The following PTPRD variants were observed in gnomAD, a reference collection of about 807,000 sequenced individuals.
PTPRD encodes protein tyrosine phosphatase receptor type D, also known as receptor-type tyrosine-protein phosphatase delta.
A neutral mutation model predicts 214.5 loss-of-function variants in PTPRD; 34 were observed. That is an observed-to-expected ratio of 0.16 (90% CI 0.12 to 0.21). The LOEUF is 0.21. Among genes scored for constraint, PTPRD ranks in the 10% least tolerant of loss-of-function variants. The pLI, the probability that PTPRD is intolerant of heterozygous loss-of-function variation, is 1.00. For synonymous variants in PTPRD, 1,128 were observed against 845.7 expected (o/e 1.33, Z -5.79); for missense variants, 2,545 against 2,398.7 (o/e 1.06, Z -1.27).
intron 11 of PTPRD, among the ~76,000 whole-genome samples, chr9:8,802,816 C>A (rs1452964876): frequency 1.3e-5 from 2 of 152,064 alleles, no homozygotes; most frequent in Admixed American, 6.6e-5. Flanking sequence ...CTTTGGGAGG[C>A]CAAGGTGGGA....
At chr9:10,000,812 C>G (rs1307266945) in intron 4 of PTPRD, among the ~76,000 whole-genome samples, 1 of 152,148 alleles carries the variant, frequency 6.6e-6, no homozygotes, top group African/African-American at 2.4e-5. Flanking sequence ...GCACGTGTGC[C>G]AGGCATCATG....
rs1958749687 is a variant in PTPRD, at chr9:9,310,861, T to C, written c.-203+86588A>G. On this transcript the variant is annotated intron_variant, in intron 9 of 45. Transcript: ENST00000381196. Reference sequence around the variant, plus strand: ...TGAACCCAGGAGGCAGAGGTTGTGGTGAGCCAAGATCGCGCCATTGCACTC... The same window carrying C: ...TGAACCCAGGAGGCAGAGGTTGTGGCGAGCCAAGATCGCGCCATTGCACTC... Among the ~76,000 whole-genome samples, 3 of 151,752 alleles carry C rather than the reference T, an allele frequency of 2.0e-5. No homozygotes were observed. In the South Asian group the frequency reaches 6.3e-4, roughly 32 times the overall value.
chr9:9,797,617 G>A (rs1456362091), intron 5 of PTPRD, among the ~76,000 whole-genome samples: 2 of 152,094 alleles, frequency 1.3e-5, no homozygotes, highest in Admixed American at 6.5e-5. Flanking sequence ...AGGCTGAGGC[G>A]TGTGGATCGC....
At chr9:9,195,080 GTT>G (rs1491570216) in intron 9 of PTPRD, among the ~76,000 whole-genome samples, 11 of 95,702 alleles carry the variant, frequency 1.1e-4, no homozygotes, top group East Asian at 1.0e-3. Flanking sequence ...ATATGTGTGT[GTT>G]TGTGTATATA....
intron 30 of PTPRD, among the ~76,000 whole-genome samples, chr9:8,476,477 T>C (rs960144800): frequency 7.2e-5 from 11 of 152,184 alleles, no homozygotes; most frequent in African/African-American, 2.7e-4. Flanking sequence ...GTCATTAAAC[T>C]ATCGATCATT....
Position 8,485,402 on chromosome 9 carries a change from G to T in PTPRD, c.3056-78C>A. ...TGTCCTTTCCACCATGGACCATAGG[G>T]GCTTATGCTAGATGCTGTCTACTTT... On this transcript the variant is annotated intron_variant, in intron 28 of 45. Coordinates refer to ENST00000381196, the MANE Select transcript of PTPRD (RefSeq NM_002839.4). 6.2e-6 allele frequency: 6 copies of T among 962,618 alleles called. No individual in the cohort carries two copies. In the South Asian group the frequency reaches 8.7e-5, roughly 14 times the overall value. The allele number at this position is 962,618 out of a possible 1,614,324, so 59.6% of individuals were successfully genotyped here. A position where few individuals can be genotyped will look rare whatever the true frequency, so the allele number is the denominator to read the frequency against.
At chr9:10,581,015 T>A (rs2071552970) in intron 2 of PTPRD, among the ~76,000 whole-genome samples, 1 of 152,164 alleles carries the variant, frequency 6.6e-6, no homozygotes, top group South Asian at 2.1e-4. Flanking sequence ...AAACCTGGGA[T>A]CCTGGCTGCA....
At chr9:10,539,517 T>C (rs2058630860) in intron 2 of PTPRD, among the ~76,000 whole-genome samples, 1 of 152,170 alleles carries the variant, frequency 6.6e-6, no homozygotes, top group Non-Finnish European at 1.5e-5. Context: ...TCTAACTCCA[T>C]GTTTTATGTT....
chr9:9,894,079 A>G (rs941030518), intron 5 of PTPRD, among the ~76,000 whole-genome samples: 1 of 151,954 alleles, frequency 6.6e-6, no homozygotes, highest in East Asian at 1.9e-4. Flanking sequence ...TTGGCCTCCT[A>G]ACGCTGTGGA....
chr9:10,595,243 TTA>T (rs1169917338), intron 2 of PTPRD, among the ~76,000 whole-genome samples: 1 of 151,926 alleles, frequency 6.6e-6, no homozygotes, highest in African/African-American at 2.4e-5. Context: ...AAGAATTTTT[TTA>T]GTGTTAATTG....
chr9:9,365,804 G>A (rs965654353), intron 9 of PTPRD, among the ~76,000 whole-genome samples: 1 of 151,132 alleles, frequency 6.6e-6, no homozygotes, highest in African/African-American at 2.4e-5. Context: ...ACAACTAAAG[G>A]CCTCATCTCC....
At chr9:9,220,310 C>CTTTTTTTTT (rs57322129) in intron 9 of PTPRD, among the ~76,000 whole-genome samples, 81 of 117,816 alleles carry the variant, frequency 6.9e-4, no homozygotes, top group East Asian at 1.4e-3. Context: ...CTTGCTTTTG[C>CTTTTTTTTT]TTTTTTTTTA....
At chr9:8,382,396 C>T (rs1024885553) in intron 37 of PTPRD, among the ~76,000 whole-genome samples, 3 of 152,182 alleles carry the variant, frequency 2.0e-5, no homozygotes, top group Non-Finnish European at 4.4e-5. Context: ...AGGCTTTGTA[C>T]AAAGTCATCA....
chr9:8,789,006 A>T (rs1178796370), intron 11 of PTPRD, among the ~76,000 whole-genome samples: 4 of 152,190 alleles, frequency 2.6e-5, no homozygotes, highest in Non-Finnish European at 4.4e-5. Context: ...TTCACAGCTA[A>T]AACAGACACA....
intron 2 of PTPRD, among the ~76,000 whole-genome samples, chr9:10,398,209 T>C (rs2098207843): frequency 6.6e-6 from 1 of 151,508 alleles, no homozygotes; most frequent in Admixed American, 6.6e-5. Flanking sequence ...CGAGACCCTG[T>C]CATTACAAAT....
chr9:8,842,218 A>G (rs750017298), intron 11 of PTPRD, among the ~76,000 whole-genome samples: 4 of 152,200 alleles, frequency 2.6e-5, no homozygotes, highest in Non-Finnish European at 5.9e-5. Flanking sequence ...AAAGAAAAAG[A>G]GAAAGGCATT....
intron 7 of PTPRD, among the ~76,000 whole-genome samples, chr9:9,731,219 G>T (rs956042113): frequency 6.6e-6 from 1 of 151,926 alleles, no homozygotes; most frequent in Non-Finnish European, 1.5e-5. Flanking sequence ...TAATTTAATG[G>T]AGTATTTTTA....
At chr9:8,626,606 T>G (rs78775967) in intron 14 of PTPRD, among the ~76,000 whole-genome samples, 12,988 of 151,802 alleles carry the variant, frequency 0.086, 688 homozygotes, top group East Asian at 0.18. Flanking sequence ...GCAAAGCAGA[T>G]TGCCCTCCCT....
At chr9:10,007,784 C>G (rs1001253569) in intron 4 of PTPRD, among the ~76,000 whole-genome samples, 1 of 151,790 alleles carries the variant, frequency 6.6e-6, no homozygotes, top group Non-Finnish European at 1.5e-5. Context: ...AACTGCTTGT[C>G]CAAAATCAGA....
Sources: allele counts gnomAD v4.1 joint callset (sites outside exome capture counted in the v4.1 genomes callset), GRCh38; gene constraint gnomAD v4.1.1; transcripts MANE v1.5; gene names NCBI Gene and HGNC (gene_info 2026-07-23, HGNC 2026-07-21).